The following CAST variants were observed in gnomAD, a reference collection of about 807,000 sequenced individuals.
CAST encodes the protein calpastatin.
A neutral mutation model predicts 119.6 loss-of-function variants in CAST; 76 were observed. The observed-to-expected ratio is 0.64, with a 90% CI of 0.53 to 0.77. CAST has a LOEUF of 0.77. Among genes scored for constraint, CAST ranks in the 30% least tolerant of loss-of-function variants. The pLI is 0.00. For missense variants in CAST, 953 were observed against 946.5 expected (o/e 1.01, Z -0.09); for synonymous variants, 319 against 331.6 (o/e 0.96, Z 0.41).
the CAST span, among the ~76,000 whole-genome samples, chr5:96,112,519 CTG>C: frequency 3.3e-5 from 5 of 152,114 alleles, no homozygotes; most frequent in African/African-American, 1.2e-4. Flanking sequence ...TATATCCTAA[CTG>C]TGTATAATAC....
chr5:96,406,581 C>T, the CAST span, among the ~76,000 whole-genome samples: 1 of 152,170 alleles, frequency 6.6e-6, no homozygotes, highest in East Asian at 1.9e-4. Flanking sequence ...AGGAATATAC[C>T]CCATCTCCAT....
At chr5:96,467,952 C>T in the CAST span, among the ~76,000 whole-genome samples, 5 of 152,012 alleles carry the variant, frequency 3.3e-5, no homozygotes, top group African/African-American at 1.2e-4. Flanking sequence ...TATTGTAGCA[C>T]AATTCACAAT....
At position 96,771,674 on chromosome 5, in the gene CAST, G is replaced by A. The variant is rs1346050780; in HGVS notation, c.2371G>A (p.Asp791Asn). The A allele has an allele frequency of 1.9e-6, 3 of 1,611,494 alleles. No individual in the cohort carries two copies. The Admixed American group carries it at 5.0e-5, about 27-fold the overall frequency. The change falls in exon 31 of 32, where the codon GAC (aspartate) becomes AAC (asparagine). Residue 791 changes from aspartate (D) to asparagine (N), a missense_variant. Transcript: ENST00000675179. ...AGAGGAAACTTCCAAGCCAAAAGATGACTAAAGAAATACAAGTTAAGGTAT... is the reference window on the plus strand; with the variant it reads ...AGAGGAAACTTCCAAGCCAAAAGATAACTAAAGAAATACAAGTTAAGGTAT... ...TTEETSKPKD[D>N]
At chr5:96,767,376 C>G in intron 27 of CAST, 62 bp from the exon 28 acceptor site, 1 of 1,388,282 alleles carries the variant, frequency 7.2e-7, no homozygotes. Context: ...TCTCTACTGC[C>G]TAAACCTAAG....
the CAST span, among the ~76,000 whole-genome samples, chr5:96,279,891 T>C: frequency 6.6e-6 from 1 of 152,234 alleles, no homozygotes; most frequent in South Asian, 2.1e-4. Flanking sequence ...CCTCTTCTTT[T>C]AGAGTTCAGA....
At chr5:96,336,138 C>T in the CAST span, among the ~76,000 whole-genome samples, 3 of 152,158 alleles carry the variant, frequency 2.0e-5, no homozygotes, top group Admixed American at 6.6e-5. Flanking sequence ...AACCTCCTTT[C>T]CTGGGGCTGT....
At chr5:96,523,321 A>G (rs1745546746), upstream of CAST, among the ~76,000 whole-genome samples, 1 of 152,248 alleles carries the variant, frequency 6.6e-6, no homozygotes, top group Admixed American at 6.5e-5. Context: ...AGCTGTGTGG[A>G]AGGTGTTCCC....
the CAST span, among the ~76,000 whole-genome samples, chr5:96,029,743 C>A: frequency 6.6e-6 from 1 of 151,982 alleles, no homozygotes; most frequent in African/African-American, 2.4e-5. Flanking sequence ...GTTGGAGCAA[C>A]CTGTATGATG....
At chr5:96,521,984 C>T (rs145549495), upstream of CAST, among the ~76,000 whole-genome samples, 990 of 152,154 alleles carry the variant, frequency 6.5e-3, 15 homozygotes, top group African/African-American at 0.022. Flanking sequence ...GGCGTGGTGG[C>T]GGGCACCTGT....
intron 26 of CAST, among the ~76,000 whole-genome samples, chr5:96,765,732 A>T (rs952105928): frequency 7.2e-5 from 11 of 152,226 alleles, no homozygotes; most frequent in Non-Finnish European, 1.6e-4. Flanking sequence ...AGAAAAAAAG[A>T]AAAAGATATT....
the CAST span, among the ~76,000 whole-genome samples, chr5:96,410,052 T>G: frequency 6.6e-6 from 1 of 152,206 alleles, no homozygotes; most frequent in South Asian, 2.1e-4. Flanking sequence ...GTCCTTTCTG[T>G]GTCAGGAGTT....
the CAST span, among the ~76,000 whole-genome samples, chr5:96,372,768 A>G: frequency 6.6e-6 from 1 of 152,168 alleles, no homozygotes; most frequent in East Asian, 1.9e-4. Context: ...TATTTCCTTC[A>G]TCTTCTGTGA....
At chr5:96,441,341 CTT>C in the CAST span, among the ~76,000 whole-genome samples, 1 of 151,016 alleles carries the variant, frequency 6.6e-6, no homozygotes, top group Non-Finnish European at 1.5e-5. Flanking sequence ...TCTTTTTTTT[CTT>C]TCTCTCATAA....
At chr5:96,395,414 C>A in the CAST span, among the ~76,000 whole-genome samples, 1 of 152,122 alleles carries the variant, frequency 6.6e-6, no homozygotes, top group South Asian at 2.1e-4. Context: ...CATTAATAAG[C>A]CCTTAAAAAT....
At chr5:96,431,214 G>A in the CAST span, among the ~76,000 whole-genome samples, 10 of 152,112 alleles carry the variant, frequency 6.6e-5, no homozygotes, top group Non-Finnish European at 1.2e-4. Flanking sequence ...TAATAATTGC[G>A]TGCAATTCCC....
the CAST span, among the ~76,000 whole-genome samples, chr5:96,368,082 A>AGTCTAATAATGCAAATGT: frequency 1.3e-5 from 2 of 152,072 alleles, no homozygotes; most frequent in Non-Finnish European, 2.9e-5. Flanking sequence ...ATGTATTCAT[A>AGTCTAATAATGCAAATGT]ACTGAACCTT....
the CAST span, among the ~76,000 whole-genome samples, chr5:96,129,013 C>T: frequency 6.6e-6 from 1 of 152,030 alleles, no homozygotes; most frequent in Non-Finnish European, 1.5e-5. Flanking sequence ...CAGGCTAAGT[C>T]AAGTATGTTG....
Position 96,532,653 on chromosome 5 carries a change from C to T in CAST, c.60+2773C>T, listed in dbSNP as rs1745710669. On this transcript the variant is annotated intron_variant, in intron 1 of 11. Coordinates refer to the CAST transcript ENST00000505143. ...TCACCTGAGATCAGGAGTTCAAGAC[C>T]AGCGTGGCCAACATGGTGAAATCCT... is the stretch of plus-strand genomic sequence containing the variant. Among the ~76,000 whole-genome samples the T allele has an allele frequency of 1.3e-5, 2 of 152,092 alleles. 1 individual carries two copies. Among genetic ancestry groups the T allele is most frequent in the South Asian group, 4.1e-4 (2 of 4,824 alleles).
At chr5:96,291,001 C>A in the CAST span, among the ~76,000 whole-genome samples, 1 of 152,192 alleles carries the variant, frequency 6.6e-6, no homozygotes, top group Non-Finnish European at 1.5e-5. Flanking sequence ...GGAAAACAGC[C>A]ACCATGTTCT....
Sources: allele counts gnomAD v4.1 joint callset (sites outside exome capture counted in the v4.1 genomes callset), GRCh38; gene constraint gnomAD v4.1.1; transcripts MANE v1.5; gene names NCBI Gene and HGNC (gene_info 2026-07-23, HGNC 2026-07-21).